Variants in TENT5D observed in about 807,000 individuals in gnomAD.
TENT5D encodes terminal nucleotidyltransferase 5D, also known as cancer/testis antigen 112.
For synonymous variants in TENT5D, 103 were observed against 100.6 expected (o/e 1.02, Z -0.15); for missense variants, 191 against 287.0 (o/e 0.67, Z 2.42).
At chrX:80,370,090 GT>G (rs1292867034) in intron 3 of TENT5D, among the ~76,000 whole-genome samples, 38 of 104,811 alleles carry the variant, frequency 3.6e-4, no homozygotes, top group African/African-American at 1.1e-3. Context: ...ACCCAACTAT[GT>G]TTTTTTTTTA....
chrX:80,440,119 A>T lies in TENT5D; in HGVS notation c.-19+1387A>T, dbSNP rs948204994. On this transcript the variant is annotated intron_variant, in intron 2 of 2. Transcript: ENST00000308293. ...TGTCATCACTGTTTCTGTAATTATT[A>T]TGAAATACTAGGCCTAAACTATTTT... Among the ~76,000 whole-genome samples, 124 of 111,860 alleles carry T rather than the reference A, an allele frequency of 1.1e-3. 1 individual carries two copies. Among genetic ancestry groups the T allele is most frequent in the African/African-American group, 3.7e-3 (114 of 31,005 alleles).
intron 3 of TENT5D, among the ~76,000 whole-genome samples, chrX:80,360,605 G>GT (rs1269975843): frequency 9.0e-6 from 1 of 111,614 alleles, no homozygotes; most frequent in East Asian, 2.8e-4. Context: ...GTCTTAAGAG[G>GT]TTACTAGGAG....
chrX:80,344,268 A>G, intron 3 of TENT5D, among the ~76,000 whole-genome samples: 1 of 110,502 alleles, frequency 9.0e-6, no homozygotes, highest in Non-Finnish European at 1.9e-5. Context: ...ATATGAGTGC[A>G]TGGGTCATTT....
chrX:80,336,391 A>G (rs754303642), intron 2 of TENT5D, among the ~76,000 whole-genome samples: 138 of 110,485 alleles, frequency 1.2e-3, no homozygotes, highest in Non-Finnish European at 1.8e-3. Flanking sequence ...TTTAAAATAC[A>G]AGGTTCTAGG....
chrX:80,431,022 C>T (rs1375941990), intron 1 of TENT5D, among the ~76,000 whole-genome samples: 4 of 111,638 alleles, frequency 3.6e-5, no homozygotes. Flanking sequence ...CTCTGGCTTC[C>T]CTTCCTATGG....
intron 2 of TENT5D, among the ~76,000 whole-genome samples, chrX:80,441,041 C>T (rs756872344): frequency 1.5e-3 from 161 of 110,923 alleles, no homozygotes; most frequent in African/African-American, 4.6e-3. Flanking sequence ...TCATTTCATT[C>T]GATAGATAAA....
intron 2 of TENT5D, among the ~76,000 whole-genome samples, chrX:80,336,624 C>T (rs1018777538): frequency 9.2e-6 from 1 of 108,919 alleles, no homozygotes; most frequent in East Asian, 2.8e-4. Flanking sequence ...AAAGATTTTC[C>T]CTGGACTCTT....
chrX:80,368,260 A>G (rs1175017430), intron 3 of TENT5D, among the ~76,000 whole-genome samples: 1 of 111,865 alleles, frequency 8.9e-6, no homozygotes, highest in African/African-American at 3.2e-5. Context: ...TATATTTCCT[A>G]GAACAGTGAG....
intron 3 of TENT5D, among the ~76,000 whole-genome samples, chrX:80,399,048 C>T (rs749042639): frequency 9.0e-6 from 1 of 111,656 alleles, no homozygotes; most frequent in Admixed American, 9.5e-5. Flanking sequence ...ATATTTTCTC[C>T]CAATCTCTAG....
chrX:80,355,750 G>C (rs1253924662), intron 3 of TENT5D, among the ~76,000 whole-genome samples: 1 of 111,755 alleles, frequency 8.9e-6, no homozygotes, highest in Non-Finnish European at 1.9e-5. Context: ...TCCCTTTTCA[G>C]CCTGGGGTCT....
At chrX:80,356,862 T>C (rs1010235951) in intron 3 of TENT5D, among the ~76,000 whole-genome samples, 1 of 111,222 alleles carries the variant, frequency 9.0e-6, no homozygotes, top group Non-Finnish European at 1.9e-5. Flanking sequence ...CTGCACCCAT[T>C]AACTCTTCAT....
intron 1 of TENT5D, among the ~76,000 whole-genome samples, chrX:80,427,382 T>C (rs1013820484): frequency 1.8e-5 from 2 of 112,325 alleles, no homozygotes; most frequent in East Asian, 5.6e-4. Flanking sequence ...CCTTAAAACA[T>C]TTAGCAAACC....
intron 1 of TENT5D, among the ~76,000 whole-genome samples, chrX:80,424,079 G>A (rs142165366): frequency 0.011 from 1,205 of 110,403 alleles, 14 homozygotes; most frequent in African/African-American, 0.038. Context: ...GAGATTAAGC[G>A]TTGATTTTTT....
At chrX:80,360,503 T>A (rs1930385402) in intron 3 of TENT5D, among the ~76,000 whole-genome samples, 2 of 112,477 alleles carry the variant, frequency 1.8e-5, no homozygotes, top group Non-Finnish European at 3.8e-5. Context: ...TAAGTCAGAA[T>A]TTTGGAATAA....
At chrX:80,356,977 G>A (rs759609654) in intron 3 of TENT5D, among the ~76,000 whole-genome samples, 2 of 110,898 alleles carry the variant, frequency 1.8e-5, no homozygotes, top group South Asian at 7.7e-4. Flanking sequence ...TGTTCTCGTT[G>A]TTCAATTCCC....
intron 3 of TENT5D, among the ~76,000 whole-genome samples, chrX:80,357,684 C>T (rs1339617008): frequency 9.0e-6 from 1 of 111,025 alleles, no homozygotes; most frequent in Non-Finnish European, 1.9e-5. Context: ...GAGTAGATTG[C>T]AAATCCATGC....
At chrX:80,383,682 C>T (rs769255498) in intron 3 of TENT5D, among the ~76,000 whole-genome samples, 1 of 110,789 alleles carries the variant, frequency 9.0e-6, no homozygotes, top group African/African-American at 3.3e-5. Flanking sequence ...CAGTGACACC[C>T]GGTCTCTACC....
At chrX:80,375,585 G>C (rs1183180147) in intron 3 of TENT5D, among the ~76,000 whole-genome samples, 1 of 110,986 alleles carries the variant, frequency 9.0e-6, no homozygotes, top group African/African-American at 3.3e-5. Flanking sequence ...GTTTAATTCA[G>C]GTGACCTTTT....
intron 3 of TENT5D, among the ~76,000 whole-genome samples, chrX:80,369,091 A>G (rs1930568358): frequency 8.9e-6 from 1 of 111,838 alleles, no homozygotes; most frequent in Non-Finnish European, 1.9e-5. Flanking sequence ...GTGTATACAC[A>G]TTGTGGTTAT....
Sources: allele counts gnomAD v4.1 joint callset (sites outside exome capture counted in the v4.1 genomes callset), GRCh38; gene constraint gnomAD v4.1.1; transcripts MANE v1.5; gene names NCBI Gene and HGNC (gene_info 2026-07-23, HGNC 2026-07-21).